Variants in FOCAD observed in about 807,000 individuals in gnomAD.
The protein encoded by FOCAD is KIAA1797.
A neutral mutation model predicts 225.6 loss-of-function variants in FOCAD; 198 were observed. The observed-to-expected ratio is 0.88, with a 90% CI of 0.78 to 0.99. The LOEUF (loss-of-function observed/expected upper bound fraction) is 0.99, where lower values mean the gene tolerates loss of function less well. Ranked by LOEUF, FOCAD falls within the 50% of genes least tolerant of loss-of-function variation. The pLI is 0.00. For synonymous variants in FOCAD, 897 were observed against 755.0 expected (o/e 1.19, Z -3.08); for missense variants, 2,713 against 2,123.6 (o/e 1.28, Z -5.46).
chr9:20,995,631 C>A lies in FOCAD; in HGVS notation c.*2C>A, dbSNP rs1354957113. 1 of 1,611,462 alleles carries A rather than the reference C, an allele frequency of 6.2e-7. No individual in the cohort carries two copies. The highest frequency in any genetic ancestry group is 1.7e-5 in the Admixed American group (1 of 59,902). On this transcript the variant is annotated 3_prime_UTR_variant, in exon 44 of 44. Coordinates refer to ENST00000338382, the MANE Select transcript of FOCAD (RefSeq NM_001375567.1). ...TGGACCAGAGCATATGGTTGGTGAA[C>A]AGTTTTGCAGTAACCAGCAGCATTC...
intron 2 of FOCAD, among the ~76,000 whole-genome samples, chr9:20,679,066 T>G (rs1262645237): frequency 6.7e-6 from 1 of 149,376 alleles, no homozygotes; most frequent in Non-Finnish European, 1.5e-5. Context: ...GCCGGGTGAG[T>G]GAGCTGGGCA....
intron 1 of FOCAD, among the ~76,000 whole-genome samples, chr9:20,697,166 C>G (rs936727470): frequency 6.6e-6 from 1 of 152,186 alleles, no homozygotes; most frequent in African/African-American, 2.4e-5. Context: ...TGTCCTAAGT[C>G]TGACCTCTTC....
At chr9:20,704,773 C>T (rs17832026) in intron 1 of FOCAD, among the ~76,000 whole-genome samples, 45,193 of 151,990 alleles carry the variant, frequency 0.3, 7,030 homozygotes, top group East Asian at 0.49. Flanking sequence ...TGGATTTCTA[C>T]GCTTTCAGTG....
chr9:20,737,937 C>A (rs899405179), intron 4 of FOCAD, among the ~76,000 whole-genome samples: 1 of 152,052 alleles, frequency 6.6e-6, no homozygotes, highest in Non-Finnish European at 1.5e-5. Context: ...GGTGATAGAG[C>A]AGTTATGTTG....
rs781241513 is a variant in FOCAD at position 20,907,221 on chromosome 9, A to G, written c.2697A>G (p.Arg899=). The G allele has an allele frequency of 3.7e-6, 6 of 1,613,012 alleles. No individual in the cohort carries two copies. In the African/African-American group the frequency reaches 8.0e-5, roughly 22 times the overall value. Residue 899 remains arginine (R), a synonymous_variant, in exon 22 of 44, where the codon CGA becomes CGG. Transcript: ENST00000338382. ...AGGCCTGGCTTGCATACATGAATCGAGCTTATCATGCCATTTTACAGGTAA... is the reference window on the plus strand; with the variant it reads ...AGGCCTGGCTTGCATACATGAATCGGGCTTATCATGCCATTTTACAGGTAA... The part of the protein sequence containing the change: ...LPQAWLAYMN[R]AYHAILQGRL...
chr9:20,780,033 G>A (rs949698753), intron 9 of FOCAD, among the ~76,000 whole-genome samples: 11 of 152,104 alleles, frequency 7.2e-5, no homozygotes, highest in Non-Finnish European at 1.6e-4. Context: ...TAATTTACCC[G>A]TGCTGGTACT....
chr9:20,914,614 T>C (rs895453471), intron 23 of FOCAD, among the ~76,000 whole-genome samples: 1 of 151,908 alleles, frequency 6.6e-6, no homozygotes, highest in African/African-American at 2.4e-5. Flanking sequence ...GCCCTGGGAG[T>C]GTACCTGGCA....
At chr9:20,768,460 C>T (rs931959010) in intron 7 of FOCAD, among the ~76,000 whole-genome samples, 5 of 151,772 alleles carry the variant, frequency 3.3e-5, no homozygotes, top group African/African-American at 1.2e-4. Flanking sequence ...TACCCATGAG[C>T]ATGGAATGTT....
chr9:20,953,200 A>G (rs1304891579), intron 35 of FOCAD, 135 bp downstream of exon 35: 5 of 648,836 alleles, frequency 7.7e-6, no homozygotes, highest in South Asian at 5.8e-5. Flanking sequence ...CTGCTAAACC[A>G]TCTTTGCAAT....
At chr9:20,860,426 A>G (rs1177778962) in intron 15 of FOCAD, among the ~76,000 whole-genome samples, 1 of 152,118 alleles carries the variant, frequency 6.6e-6, no homozygotes, top group African/African-American at 2.4e-5. Flanking sequence ...CTTCTGCCCT[A>G]GGAGACTTTA....
At position 20,877,346 on chromosome 9, in the gene FOCAD, G is replaced by A. The variant is rs899702857; in HGVS notation, c.2317+2539G>A. 2.8e-4 allele frequency among the ~76,000 whole-genome samples: 42 copies of A among 152,122 alleles called. 1 individual carries two copies. Among genetic ancestry groups the A allele is most frequent in the African/African-American group, 7.7e-4 (32 of 41,426 alleles). On this transcript the variant is annotated intron_variant, in intron 19 of 43. Coordinates refer to ENST00000338382, the MANE Select transcript of FOCAD (RefSeq NM_001375567.1). ...ATCACAATTCTGAAATCTCAAAAAT[G>A]TAATTCTAGAAAAATAATAAAATGT...
chr9:20,934,596 T>C (rs1835782695), intron 28 of FOCAD, among the ~76,000 whole-genome samples: 1 of 152,192 alleles, frequency 6.6e-6, no homozygotes, highest in Non-Finnish European at 1.5e-5. Flanking sequence ...TCCGTTGTTC[T>C]ATGTGCCTAG....
intron 15 of FOCAD, among the ~76,000 whole-genome samples, chr9:20,858,977 T>G (rs1044603268): frequency 6.6e-6 from 1 of 152,220 alleles, no homozygotes; most frequent in African/African-American, 2.4e-5. Flanking sequence ...TTTATAAATT[T>G]TTTTAGACTT....
chr9:20,671,239 A>G (rs1347690471), intron 2 of FOCAD, among the ~76,000 whole-genome samples: 2 of 152,198 alleles, frequency 1.3e-5, no homozygotes, highest in Non-Finnish European at 1.5e-5. Flanking sequence ...CATAGATACA[A>G]ACATCTATAT....
chr9:20,925,249 T>G (rs1834828752), intron 25 of FOCAD, among the ~76,000 whole-genome samples: 1 of 152,238 alleles, frequency 6.6e-6, no homozygotes, highest in East Asian at 1.9e-4. Flanking sequence ...GGCAACATGC[T>G]GCATAGATCT....
At chr9:20,853,435 A>G (rs549219861) in intron 15 of FOCAD, among the ~76,000 whole-genome samples, 2 of 151,978 alleles carry the variant, frequency 1.3e-5, no homozygotes, top group South Asian at 4.1e-4. Context: ...AATTATAAGT[A>G]TGTACTACAA....
intron 16 of FOCAD, among the ~76,000 whole-genome samples, chr9:20,865,140 T>C (rs2131716097): frequency 6.6e-6 from 1 of 152,226 alleles, no homozygotes; most frequent in South Asian, 2.1e-4. Context: ...TGAGTGATGA[T>C]AATTATAGTA....
At chr9:20,659,695 G>T (rs1434040436) in intron 2 of FOCAD, among the ~76,000 whole-genome samples, 1 of 152,226 alleles carries the variant, frequency 6.6e-6, no homozygotes, top group Non-Finnish European at 1.5e-5. Context: ...GTGATACTTT[G>T]TTATGGCAGC....
chr9:20,880,698 T>A (rs939446045), intron 19 of FOCAD, among the ~76,000 whole-genome samples: 1 of 152,168 alleles, frequency 6.6e-6, no homozygotes, highest in Non-Finnish European at 1.5e-5. Flanking sequence ...TCCAGTGAGC[T>A]CTTGCTGCCT....
Sources: gnomAD v4.1 joint callset for allele counts (sites outside exome capture counted in the v4.1 genomes callset) on GRCh38, gnomAD v4.1.1 for gene constraint, MANE v1.5 for transcripts, NCBI Gene and HGNC (gene_info 2026-07-23, HGNC 2026-07-21) for gene names.